GRIK4: variants seen among roughly 807,000 people sequenced by gnomAD.
GRIK4 encodes the protein glutamate receptor ionotropic, kainate 4.
In GRIK4, 40 loss-of-function variants were observed where a neutral mutation model predicts 104.9. The ratio of observed to expected loss-of-function variants is 0.38; its 90% CI spans 0.30 to 0.50. The LOEUF (loss-of-function observed/expected upper bound fraction) is 0.50, where lower values mean the gene tolerates loss of function less well. Ranked by LOEUF, GRIK4 falls within the 20% of genes least tolerant of loss-of-function variation. The pLI is 0.93. For synonymous variants in GRIK4, 485 were observed against 524.9 expected (o/e 0.92, Z 1.04); for missense variants, 1,047 against 1,308.1 (o/e 0.80, Z 3.08).
intron 1 of GRIK4, among the ~76,000 whole-genome samples, chr11:120,585,967 A>C (rs1948658096): frequency 2.0e-5 from 3 of 151,408 alleles, no homozygotes; most frequent in African/African-American, 7.4e-5. Context: ...GGGAATTCAG[A>C]GTTGTGTTTT....
At chr11:120,766,351 G>T (rs1002647709) in intron 3 of GRIK4, among the ~76,000 whole-genome samples, 2 of 152,248 alleles carry the variant, frequency 1.3e-5, no homozygotes, top group Non-Finnish European at 2.9e-5. Flanking sequence ...TGTGCTGGCA[G>T]CGGGAATTTC....
At chr11:120,684,798 C>A (rs894736552) in intron 3 of GRIK4, among the ~76,000 whole-genome samples, 5 of 152,222 alleles carry the variant, frequency 3.3e-5, no homozygotes, top group Non-Finnish European at 7.3e-5. Context: ...GCAAGCTCCG[C>A]CTCCCGGCTT....
chr11:120,849,381 A>C (rs1235717901), intron 8 of GRIK4, among the ~76,000 whole-genome samples: 2 of 152,224 alleles, frequency 1.3e-5, no homozygotes, highest in Admixed American at 1.3e-4. Context: ...TTGACCCTCT[A>C]TCACAAAGTT....
chr11:120,819,874 C>G lies in GRIK4; in HGVS notation c.465C>G (p.Asn155Lys), dbSNP rs781001904. 6.2e-7 allele frequency: 1 copy of G among 1,614,162 alleles called. No homozygotes were observed. The highest frequency in any genetic ancestry group is 1.7e-5 in the Admixed American group (1 of 60,024). The stretch of plus-strand genomic sequence containing the variant: ...GCGTGGCTGTAGCTGGGATCCTGAA[C>G]TTCTTCAACTGCACCACCGCCTGCC... Reference protein sequence around the residue: ...DISVAVAGILNFFNCTTACLI... With the variant: ...DISVAVAGILKFFNCTTACLI... Residue 155 changes from asparagine (N) to lysine (K), a missense_variant, in exon 6 of 21, where the codon AAC (asparagine) becomes AAG (lysine). Transcript: ENST00000527524. This position sits in a 1 kb window ranked among gnomAD's most constrained non-coding sequence, Gnocchi z 4.3.
In GRIK4 at chr11:120,623,805, G is replaced by A. The variant is rs559378668; in HGVS notation, c.-158-29880G>A. ...CGTGTTCATCCACTGGCTCCTCCAT[G>A]GTGGCAGGATGGGGTCTGCACACAT... On this transcript the variant is annotated intron_variant, in intron 1 of 20. Transcript: ENST00000527524. Among the ~76,000 whole-genome samples the A allele has an allele frequency of 2.5e-3, 382 of 152,302 alleles. 1 individual carries two copies. The highest frequency in any genetic ancestry group is 3.9e-3 in the Non-Finnish European group (262 of 68,030).
intron 4 of GRIK4, among the ~76,000 whole-genome samples, chr11:120,810,195 C>T (rs1233520200): frequency 6.6e-6 from 1 of 152,252 alleles, no homozygotes; most frequent in Non-Finnish European, 1.5e-5. Flanking sequence ...AATAGCTTTA[C>T]ATCTGTCTGT....
chr11:120,947,313 A>G (rs1258519091), intron 14 of GRIK4, among the ~76,000 whole-genome samples: 2 of 152,064 alleles, frequency 1.3e-5, no homozygotes, highest in African/African-American at 4.8e-5. Context: ...GAGACAGGAG[A>G]ATCATTTGAA....
intron 16 of GRIK4, among the ~76,000 whole-genome samples, chr11:120,958,145 G>A (rs78944761): frequency 0.034 from 5,252 of 152,276 alleles, 306 homozygotes; most frequent in African/African-American, 0.12. Flanking sequence ...TTCTCCCTGG[G>A]GCTTTTCCTT....
intron 3 of GRIK4, among the ~76,000 whole-genome samples, chr11:120,783,282 G>GA (rs1389840018): frequency 1.3e-5 from 2 of 152,216 alleles, no homozygotes; most frequent in Non-Finnish European, 2.9e-5. Context: ...GTTCCTCTGA[G>GA]AATGTGCGTG....
intron 3 of GRIK4, among the ~76,000 whole-genome samples, chr11:120,689,705 C>T (rs901543814): frequency 6.6e-6 from 1 of 152,168 alleles, no homozygotes; most frequent in Admixed American, 6.5e-5. Flanking sequence ...CCTGATCCTC[C>T]CAGTCCAAAT....
At chr11:120,685,595 T>C (rs1330262277) in intron 3 of GRIK4, among the ~76,000 whole-genome samples, 2 of 152,268 alleles carry the variant, frequency 1.3e-5, no homozygotes, top group East Asian at 3.9e-4. Context: ...GCAGGCCGGC[T>C]TTTTCTCCAT....
At chr11:120,800,557 T>C (rs1952603422) in intron 3 of GRIK4, among the ~76,000 whole-genome samples, 1 of 152,240 alleles carries the variant, frequency 6.6e-6, no homozygotes, top group African/African-American at 2.4e-5. Context: ...ACCCCAGGTA[T>C]GCGTGGACTT....
intron 1 of GRIK4, among the ~76,000 whole-genome samples, chr11:120,582,728 T>C (rs1948604636): frequency 1.3e-5 from 2 of 152,232 alleles, no homozygotes; most frequent in Non-Finnish European, 2.9e-5. Context: ...ATGGTGTATA[T>C]GTACCACATT....
intron 13 of GRIK4, among the ~76,000 whole-genome samples, chr11:120,924,569 C>T (rs1395926026): frequency 1.7e-5 from 1 of 60,554 alleles, no homozygotes; most frequent in Non-Finnish European, 3.3e-5. Flanking sequence ...TGAAGACCCC[C>T]TTGTCCCCAC....
intron 6 of GRIK4, among the ~76,000 whole-genome samples, chr11:120,824,548 C>CTCTTTTTTTTTTTTTTT (rs1391390503): frequency 3.0e-5 from 4 of 131,178 alleles, no homozygotes; most frequent in South Asian, 2.4e-4. Context: ...TTTTTTTTTT[C>CTCTTTTTTTTTTTTTTT]TTTTCTTTTT....
At chr11:120,694,678 G>A (rs528850375) in intron 3 of GRIK4, among the ~76,000 whole-genome samples, 187 of 152,312 alleles carry the variant, frequency 1.2e-3, no homozygotes, top group Non-Finnish European at 2.2e-3. Context: ...CTTGGGTGCA[G>A]GAGGTGAACA....
At chr11:120,765,227 C>CT (rs1951815275) in intron 3 of GRIK4, among the ~76,000 whole-genome samples, 1 of 151,536 alleles carries the variant, frequency 6.6e-6, no homozygotes, top group African/African-American at 2.4e-5. Flanking sequence ...CTCTGATATC[C>CT]TTTCTTCTGC....
chr11:120,861,524 C>T (rs1223026937), intron 8 of GRIK4, among the ~76,000 whole-genome samples: 1 of 152,158 alleles, frequency 6.6e-6, no homozygotes, highest in Admixed American at 6.5e-5. Context: ...GGGCCATGCA[C>T]TTTCTCAGCT....
At chr11:120,662,341 G>A (rs980734748) in intron 3 of GRIK4, among the ~76,000 whole-genome samples, 2 of 152,174 alleles carry the variant, frequency 1.3e-5, no homozygotes, top group Non-Finnish European at 2.9e-5. Flanking sequence ...AGGTCAAACC[G>A]GGCCTAATCT....
Sources: gnomAD v4.1 joint callset for allele counts (sites outside exome capture counted in the v4.1 genomes callset) on GRCh38, gnomAD v4.1.1 for gene constraint, Gnocchi (gnomAD v3.1) non-coding constraint, MANE v1.5 for transcripts, NCBI Gene and HGNC (gene_info 2026-07-23, HGNC 2026-07-21) for gene names.